The following NCOR1 variants were observed in gnomAD, a reference collection of about 807,000 sequenced individuals.
The protein encoded by NCOR1 is protein phosphatase 1, regulatory subunit 109.
Under a neutral mutation model 288.1 loss-of-function variants are expected in NCOR1, and 63 were observed. The observed-to-expected ratio is 0.22, with a 90% CI of 0.18 to 0.27. The LOEUF is 0.27. Ranked by LOEUF, NCOR1 falls within the 10% of genes least tolerant of loss-of-function variation. The pLI is 1.00. For synonymous variants in NCOR1, 1,007 were observed against 1,065.9 expected, an observed-to-expected ratio of 0.94 and a Z score of 1.08; for missense variants, 2,397 against 3,019.2, an observed-to-expected ratio of 0.79 and a Z score of 4.83.
intron 11 of NCOR1, 54 bp downstream of exon 11, chr17:16,143,552 G>A: frequency 7.0e-7 from 1 of 1,420,472 alleles, no homozygotes; most frequent in Non-Finnish European, 9.9e-7. Context: ...CTCCTACAGA[G>A]TTAAAATGCT....
At chr17:16,157,197 G>C (rs566723411) in intron 6 of NCOR1, among the ~76,000 whole-genome samples, 4 of 152,028 alleles carry the variant, frequency 2.6e-5, no homozygotes, top group African/African-American at 9.6e-5. Flanking sequence ...AAACAAGGGA[G>C]CAACTGTATA....
intron 23 of NCOR1, among the ~76,000 whole-genome samples, chr17:16,082,587 T>C (rs1422155910): frequency 2.0e-5 from 3 of 151,788 alleles, no homozygotes; most frequent in Admixed American, 2.0e-4. Context: ...CCAGGCATAG[T>C]GATGCATGCC....
At position 16,057,374 on chromosome 17, in the gene NCOR1, G is replaced by T. The variant is rs1055067925; in HGVS notation, c.6392+140C>A. The T allele has an allele frequency of 7.8e-6, 6 of 769,096 alleles. No individual in the cohort carries two copies. In the African/African-American group the frequency reaches 1.1e-4, roughly 13 times the overall value. The allele number at this position is 769,096 out of a possible 1,614,324, so 47.6% of individuals were successfully genotyped here. On this transcript the variant is annotated intron_variant, in intron 40 of 45. Transcript: ENST00000268712. The stretch of plus-strand genomic sequence containing the variant: ...GACATTCTAAGAATAATATGCAGGG[G>T]GAAGAAAGCTCATTTACACTTTCCT...
intron 1 of NCOR1, among the ~76,000 whole-genome samples, chr17:16,214,339 C>T (rs977684455): frequency 3.3e-5 from 5 of 152,158 alleles, no homozygotes; most frequent in Admixed American, 6.6e-5. Context: ...ATATATTGAA[C>T]GAATGAATGA....
chr17:16,068,345 G>A, intron 31 of NCOR1: 4 of 505,892 alleles, frequency 7.9e-6, no homozygotes, highest in Non-Finnish European at 7.1e-6. Flanking sequence ...GTCACCTTTT[G>A]GATCATAGCA....
At chr17:16,057,807 A>T in intron 39 of NCOR1, 70 bp from the exon 40 acceptor site, 1 of 1,487,286 alleles carries the variant, frequency 6.7e-7, no homozygotes, top group South Asian at 1.3e-5. Flanking sequence ...GTATTAAGAA[A>T]TCTAGATATC....
At chr17:16,209,259 G>T (rs541163000) in intron 1 of NCOR1, among the ~76,000 whole-genome samples, 1 of 151,932 alleles carries the variant, frequency 6.6e-6, no homozygotes, top group Non-Finnish European at 1.5e-5. Flanking sequence ...GTTTGGAAGA[G>T]TAAGGGAGGA....
In NCOR1 at chr17:16,137,410, A is replaced by T; in HGVS notation, c.1410T>A (p.Ser470Arg). The change falls in exon 14 of 46, where the codon AGT becomes AGA. Residue 470 changes from serine (S) to arginine (R), a missense_variant and splice_region_variant. This residue lies in a region of NCOR1 where 80 missense variants were observed against 100.3 expected (regional missense o/e 0.80). Coordinates refer to ENST00000268712, the MANE Select transcript of NCOR1 (RefSeq NM_006311.4). ...GLIASYLERKSVPDCVLYYYL... is the reference protein window; with the variant it reads ...GLIASYLERKRVPDCVLYYYL... ...AGTAATACAAAACACAATCAGGAAC[A>T]CTCTGTAAGAAATAAAACAATTATT... 2.0e-6 allele frequency: 3 copies of T among 1,478,052 alleles called. No homozygotes were observed. The highest frequency in any genetic ancestry group is 2.8e-6 in the Non-Finnish European group (3 of 1,085,392). 91.6% of individuals were successfully genotyped at this position (1,478,052 alleles called of 1,614,324 possible).
At chr17:16,063,071 T>G (rs1337356624) in intron 35 of NCOR1, among the ~76,000 whole-genome samples, 2 of 152,180 alleles carry the variant, frequency 1.3e-5, no homozygotes, top group Non-Finnish European at 2.9e-5. Context: ...TGTTTTATGT[T>G]TTAGCACACA....
intron 21 of NCOR1, among the ~76,000 whole-genome samples, chr17:16,092,670 TATATATATATATATATATATATA>T (rs1567957615): frequency 3.7e-3 from 59 of 15,876 alleles, no homozygotes; most frequent in African/African-American, 0.016. Context: ...TATATATATA[TATATATATATATATATATATATA>T]TATTTTTTTT....
In NCOR1 at chr17:16,114,029, G is replaced by A. The variant is rs778839974; in HGVS notation, c.2055+3859C>T. On this transcript the variant is annotated intron_variant, in intron 18 of 45. Coordinates refer to ENST00000268712, the MANE Select transcript of NCOR1 (RefSeq NM_006311.4). ...ACGCTGCTGATAAAGACATACTTGA[G>A]ACTGGGAAGTAAAAGAGGTTTAATG... is the stretch of plus-strand genomic sequence containing the variant. Among the ~76,000 whole-genome samples the A allele has an allele frequency of 2.0e-5, 3 of 150,930 alleles. No homozygotes were observed. The Admixed American group carries it at 2.0e-4, about 10-fold the overall frequency.
chr17:16,105,259 A>T (rs1017969448), intron 19 of NCOR1, among the ~76,000 whole-genome samples: 1 of 152,152 alleles, frequency 6.6e-6, no homozygotes, highest in Non-Finnish European at 1.5e-5. Flanking sequence ...CACAAAATAA[A>T]AAAGTACATT....
intron 40 of NCOR1, among the ~76,000 whole-genome samples, chr17:16,054,541 G>T (rs1370093450): frequency 1.3e-5 from 2 of 151,862 alleles, no homozygotes; most frequent in East Asian, 1.9e-4. Flanking sequence ...AAAAGAGAGT[G>T]GGCAAATGAC....
At chr17:16,081,293 C>T (rs1489586671) in intron 23 of NCOR1, among the ~76,000 whole-genome samples, 2 of 148,718 alleles carry the variant, frequency 1.3e-5, no homozygotes, top group Non-Finnish European at 3.0e-5. Context: ...CTGCAACCTC[C>T]GCCTCCCAGT....
In NCOR1 at chr17:16,101,294, C is replaced by G. The variant is rs374965263; in HGVS notation, c.2646G>C (p.Thr882=). The change falls in exon 20 of 46, where the codon ACG becomes ACC. Residue 882 remains threonine, a synonymous_variant. Coordinates refer to ENST00000268712, the MANE Select transcript of NCOR1 (RefSeq NM_006311.4). ...CATCCACATCCTCATCAGCGCTGCA[C>G]GTGGCACTGGAATCATTGTCTGACT... ...EPQSDNDSSA[T]CSADEDVDGE... 6.6e-5 allele frequency: 106 copies of G among 1,612,310 alleles called. No individual in the cohort carries two copies. Among genetic ancestry groups the G allele is most frequent in the Non-Finnish European group, 8.6e-5 (101 of 1,179,124 alleles).
In NCOR1 at chr17:16,058,177, A is replaced by G. The variant is rs569254248; in HGVS notation, c.6011-113T>C. ...CTGAAAGGATGTGGTACATAGCTCC[A>G]AACAAAGAACTTATCTTAATTTTGG... On this transcript the variant is annotated intron_variant, in intron 38 of 45. Transcript: ENST00000268712. 7.4e-6 allele frequency: 9 copies of G among 1,211,196 alleles called. No homozygotes were observed. The South Asian group carries it at 1.2e-4, about 17-fold the overall frequency. The allele number at this position is 1,211,196 out of a possible 1,614,324, so 75.0% of individuals were successfully genotyped here.
chr17:16,089,263 A>C (rs1426422091), intron 22 of NCOR1, among the ~76,000 whole-genome samples: 1 of 152,132 alleles, frequency 6.6e-6, no homozygotes, highest in Non-Finnish European at 1.5e-5. Context: ...GTTACATAGA[A>C]GCATTAACTC....
In NCOR1 at chr17:16,039,560, A is replaced by G. The variant is rs1395725608; in HGVS notation, c.6828T>C (p.Asp2276=). 6.2e-7 allele frequency: 1 copy of G among 1,614,028 alleles called. No homozygotes were observed. Among genetic ancestry groups the G allele is most frequent in the Admixed American group, 1.7e-5 (1 of 60,010 alleles). Residue 2276 remains aspartate, a synonymous_variant, in exon 44 of 46, where the codon GAT becomes GAC. Transcript: ENST00000268712. ...IIRKALMGSF[D]DKVEDHGVVM... is the part of the protein sequence containing the mutation. ...CAACTCCATGATCCTCAACTTTGTCATCAAAGCTTCCCATGAGAGCCTTCC... is the reference window on the plus strand; with the variant it reads ...CAACTCCATGATCCTCAACTTTGTCGTCAAAGCTTCCCATGAGAGCCTTCC...
intron 31 of NCOR1, among the ~76,000 whole-genome samples, chr17:16,069,496 A>G (rs895778424): frequency 6.6e-6 from 1 of 152,216 alleles, no homozygotes; most frequent in South Asian, 2.1e-4. Context: ...TAAGGGCCTC[A>G]GGTTGATAGG....
Sources: allele counts gnomAD v4.1 joint callset (sites outside exome capture counted in the v4.1 genomes callset), GRCh38; gene constraint gnomAD v4.1.1; regional missense constraint gnomAD v4.1.1; transcripts MANE v1.5; gene names NCBI Gene and HGNC (gene_info 2026-07-23, HGNC 2026-07-21).